MRC1: variants seen among roughly 807,000 people sequenced by gnomAD.
MRC1 encodes macrophage mannose receptor 1.
Under a neutral mutation model 102.9 loss-of-function variants are expected in MRC1, and 62 were observed. The ratio of observed to expected loss-of-function variants is 0.60; its 90% CI spans 0.49 to 0.74. The LOEUF (loss-of-function observed/expected upper bound fraction) is 0.74. Ranked by LOEUF, MRC1 falls within the 30% of genes least tolerant of loss-of-function variation. The pLI, the probability that MRC1 is intolerant of heterozygous loss-of-function variation, is 0.00. For missense variants in MRC1, 1,237 were observed against 862.8 expected (o/e 1.43, Z -5.43); for synonymous variants, 457 against 298.4 (o/e 1.53, Z -5.48).
Position 17,822,214 on chromosome 10 carries a change from A to G in MRC1, c.62-860A>G, listed in dbSNP as rs1838406139. ...AAATGTTATTTTTAAAGTTATTCTC[A>G]TAAAATATTCTCTCCAATGATATAA... On this transcript the variant is annotated intron_variant, in intron 1 of 29. Transcript: ENST00000569591. Among the ~76,000 whole-genome samples, 3 of 152,230 alleles carry G rather than the reference A, an allele frequency of 2.0e-5. No homozygotes were observed. The South Asian group carries it at 6.2e-4, about 32-fold the overall frequency.
intron 1 of MRC1, among the ~76,000 whole-genome samples, 195 bp downstream of exon 1, chr10:17,809,721 G>A (rs1838193995): frequency 6.6e-6 from 1 of 152,142 alleles, no homozygotes; most frequent in Non-Finnish European, 1.5e-5. Context: ...AGTTGGAGGA[G>A]GGAGGAGGAT....
In MRC1 at chr10:17,911,057, A is replaced by G. The variant is rs1348993066; in HGVS notation, c.*592A>G. ...GCAAATGTGTTCTTTGTCCTGTTAT[A>G]TGTATATCAGGAATACAAGGATGTG... On this transcript the variant is annotated 3_prime_UTR_variant, in exon 30 of 30. Transcript: ENST00000569591. 1 of 158,238 alleles carries G rather than the reference A, an allele frequency of 6.3e-6. No individual in the cohort carries two copies. Among genetic ancestry groups the G allele is most frequent in the Non-Finnish European group, 1.4e-5 (1 of 71,218 alleles). The allele number at this position is 158,238 out of a possible 1,614,324, so 9.8% of individuals were successfully genotyped here. A position where few individuals can be genotyped will look rare whatever the true frequency, so the allele number is the denominator to read the frequency against.
At chr10:17,885,183 T>C in intron 21 of MRC1, 86 bp from the exon 22 acceptor site, 1 of 773,000 alleles carries the variant, frequency 1.3e-6, no homozygotes, top group Non-Finnish European at 2.4e-6. Context: ...TGCTAAATAT[T>C]TTGAAATTCA....
intron 22 of MRC1, among the ~76,000 whole-genome samples, chr10:17,890,228 C>G (rs1429251767): frequency 1.3e-5 from 2 of 150,522 alleles, no homozygotes; most frequent in Non-Finnish European, 3.0e-5. Flanking sequence ...TTTTTTTTTT[C>G]GTCTGGCTTC....
chr10:17,907,382 T>C (rs1220057265), intron 27 of MRC1, 152 bp from the exon 28 acceptor site: 2 of 667,946 alleles, frequency 3.0e-6, no homozygotes, highest in Non-Finnish European at 5.4e-6. Flanking sequence ...TAATAATTAG[T>C]CATTATAGTC....
chr10:17,827,444 G>GAAAAGT (rs199970683), intron 2 of MRC1, 98 bp from the exon 3 acceptor site: 3 of 532,126 alleles, frequency 5.6e-6, no homozygotes, highest in African/African-American at 2.2e-5. Context: ...AGTGTAATCA[G>GAAAAGT]AACAGTAAGA....
intron 22 of MRC1, among the ~76,000 whole-genome samples, chr10:17,888,512 G>T (rs1833631300): frequency 2.0e-5 from 3 of 152,118 alleles, no homozygotes; most frequent in African/African-American, 7.2e-5. Flanking sequence ...GGTTGTCTTT[G>T]TGTGTCACTA....
intron 22 of MRC1, 23 bp downstream of exon 22, chr10:17,885,458 C>T (rs1833579409): frequency 2.6e-6 from 2 of 780,214 alleles, no homozygotes; most frequent in Non-Finnish European, 2.4e-6. Flanking sequence ...TTCAGGTCAC[C>T]TCTCTACACA....
chr10:17,900,694 G>A, intron 24 of MRC1, 94 bp from the exon 25 acceptor site: 1 of 770,902 alleles, frequency 1.3e-6, no homozygotes, highest in South Asian at 1.4e-5. Context: ...GTCAAATCAT[G>A]GTCTTAAATA....
At chr10:17,829,526 T>C (rs1219462294) in intron 3 of MRC1, among the ~76,000 whole-genome samples, 2 of 151,548 alleles carry the variant, frequency 1.3e-5, no homozygotes, top group African/African-American at 2.5e-5. Flanking sequence ...TGTCAATCTT[T>C]AGAAAGACAT....
At chr10:17,844,030 C>CTA (rs2130631395) in intron 5 of MRC1, among the ~76,000 whole-genome samples, 1 of 152,230 alleles carries the variant, frequency 6.6e-6, no homozygotes, top group East Asian at 1.9e-4. Flanking sequence ...GTATCAATGC[C>CTA]TACATTCATC....
At chr10:17,885,534 T>C in intron 22 of MRC1, 99 bp downstream of exon 22, 1 of 735,804 alleles carries the variant, frequency 1.4e-6, no homozygotes, top group Non-Finnish European at 2.5e-6. Flanking sequence ...ACCAGAATAC[T>C]CCTTGATCTG....
intron 26 of MRC1, among the ~76,000 whole-genome samples, chr10:17,903,267 T>C (rs1269607917): frequency 6.6e-6 from 1 of 152,082 alleles, no homozygotes; most frequent in African/African-American, 2.4e-5. Context: ...ATGTCTGCCA[T>C]TTTGCCATTT....
At chr10:17,812,942 C>T (rs1290606410) in intron 1 of MRC1, among the ~76,000 whole-genome samples, 3 of 152,018 alleles carry the variant, frequency 2.0e-5, no homozygotes, top group African/African-American at 7.2e-5. Context: ...TCTGGGAAGG[C>T]GCTCAAACAG....
chr10:17,833,192 T>A (rs1838605685), intron 3 of MRC1, among the ~76,000 whole-genome samples: 3 of 152,186 alleles, frequency 2.0e-5, no homozygotes, highest in Admixed American at 6.5e-5. Context: ...CTATTTCATT[T>A]CAGGAGTAAA....
chr10:17,858,650 G>C (rs991187497), intron 9 of MRC1, among the ~76,000 whole-genome samples: 5 of 152,154 alleles, frequency 3.3e-5, no homozygotes, highest in African/African-American at 4.8e-5. Flanking sequence ...ACCATGCCTG[G>C]CTAATTTTTG....
At chr10:17,813,700 A>ATATT (rs1401200082) in intron 1 of MRC1, among the ~76,000 whole-genome samples, 44 of 125,686 alleles carry the variant, frequency 3.5e-4, no homozygotes, top group African/African-American at 1.4e-3. Context: ...ATATATATAT[A>ATATT]TTTTTTTTTT....
At position 17,814,805 on chromosome 10, in the gene MRC1, T is replaced by C. The variant is rs1047642881; in HGVS notation, c.61+5279T>C. ...GGTTCAAGTGATTCTCCAGGGATTA[T>C]AGGCGTGCACCACCCTGCCAGGCTA... is the stretch of plus-strand genomic sequence containing the variant. On this transcript the variant is annotated intron_variant, in intron 1 of 29. Coordinates refer to ENST00000569591, the MANE Select transcript of MRC1 (RefSeq NM_002438.4). Among the ~76,000 whole-genome samples the C allele has an allele frequency of 2.6e-3, 396 of 149,688 alleles. 1 individual carries two copies. Among genetic ancestry groups the C allele is most frequent in the African/African-American group, 9.4e-3 (382 of 40,772 alleles).
chr10:17,901,759 C>T (rs994277127), intron 25 of MRC1, among the ~76,000 whole-genome samples: 2 of 152,060 alleles, frequency 1.3e-5, no homozygotes, highest in African/African-American at 4.8e-5. Context: ...AACTGACTGC[C>T]GCTATACCAT....
Sources: allele counts gnomAD v4.1 joint callset (sites outside exome capture counted in the v4.1 genomes callset), GRCh38; gene constraint gnomAD v4.1.1; transcripts MANE v1.5; gene names NCBI Gene and HGNC (gene_info 2026-07-23, HGNC 2026-07-21).